The following NRXN3 variants were observed in gnomAD, a reference collection of about 807,000 sequenced individuals.
The protein encoded by NRXN3 is neurexin III.
Under a neutral mutation model 137.6 loss-of-function variants are expected in NRXN3, and 32 were observed. The ratio of observed to expected loss-of-function variants is 0.23; its 90% CI spans 0.18 to 0.31. The LOEUF (loss-of-function observed/expected upper bound fraction) is 0.31, where lower values mean the gene tolerates loss of function less well. Among genes scored for constraint, NRXN3 ranks in the 10% least tolerant of loss-of-function variants. The pLI is 1.00. For synonymous variants in NRXN3, 798 were observed against 784.5 expected (o/e 1.02, Z -0.29); for missense variants, 1,574 against 2,062.5 (o/e 0.76, Z 4.59).
In NRXN3 at chr14:79,648,197, C is replaced by G. The variant is rs572477479; in HGVS notation, c.3445-15581C>G. 1.5e-5 allele frequency among the ~76,000 whole-genome samples: 2 copies of G among 133,620 alleles called. 1 individual carries two copies. The highest frequency in any genetic ancestry group is 1.6e-4 in the Admixed American group (2 of 12,498). The allele number at this position is 133,620 out of a possible 152,430, so 87.7% of individuals were successfully genotyped here. ...TACCCTACTATACAAAACAAACAAA[C>G]AAACAAACAAACAAAAAACAGAAAA... On this transcript the variant is annotated intron_variant, in intron 16 of 20. Transcript: ENST00000335750.
intron 4 of NRXN3, among the ~76,000 whole-genome samples, chr14:78,584,780 G>A (rs1365356286): frequency 1.3e-5 from 2 of 152,168 alleles, no homozygotes; most frequent in East Asian, 3.8e-4. Flanking sequence ...AATCAGAAAG[G>A]CCGTGTTCTA....
intron 10 of NRXN3, among the ~76,000 whole-genome samples, chr14:78,816,195 A>G (rs1364417909): frequency 6.6e-6 from 1 of 152,162 alleles, no homozygotes; most frequent in African/African-American, 2.4e-5. Flanking sequence ...AGATTGGTTT[A>G]TTTTAAAATA....
In NRXN3 at chr14:79,084,013, G is replaced by A. The variant is rs1049299728; in HGVS notation, c.3262+95872G>A. 3.3e-5 allele frequency among the ~76,000 whole-genome samples: 5 copies of A among 152,114 alleles called. No individual in the cohort carries two copies. In the East Asian group the frequency reaches 5.8e-4, roughly 18 times the overall value. On this transcript the variant is annotated intron_variant, in intron 15 of 20. Transcript: ENST00000335750. ...TCGACCCCCACCCCTAAGCTCAAGC[G>A]ATCCTCCCACCTCAGCCTCCTGAGT...
At chr14:79,276,347 T>C (rs966404233) in intron 15 of NRXN3, among the ~76,000 whole-genome samples, 2 of 152,162 alleles carry the variant, frequency 1.3e-5, no homozygotes, top group Non-Finnish European at 2.9e-5. Flanking sequence ...GGGACATTCA[T>C]TTTATTAGGA....
intron 16 of NRXN3, among the ~76,000 whole-genome samples, chr14:79,510,079 A>G (rs1033106928): frequency 4.6e-5 from 7 of 152,198 alleles, no homozygotes; most frequent in Admixed American, 3.3e-4. Flanking sequence ...TGACCAAACC[A>G]AAACACGTGC....
At chr14:78,715,427 C>T (rs889619823) in intron 8 of NRXN3, among the ~76,000 whole-genome samples, 15 of 152,170 alleles carry the variant, frequency 9.9e-5, no homozygotes, top group African/African-American at 3.4e-4. Flanking sequence ...TCTTTTGGGA[C>T]TCCAGGGGGC....
intron 15 of NRXN3, among the ~76,000 whole-genome samples, chr14:79,226,974 C>T (rs2071015699): frequency 6.6e-6 from 1 of 151,724 alleles, no homozygotes; most frequent in Non-Finnish European, 1.5e-5. Flanking sequence ...GCATGCACCA[C>T]CACACCCAGC....
chr14:79,035,735 C>A (rs1335687843), intron 15 of NRXN3, among the ~76,000 whole-genome samples: 1 of 152,018 alleles, frequency 6.6e-6, no homozygotes, highest in Non-Finnish European at 1.5e-5. Context: ...AGGCATTCAC[C>A]CAAATAAATC....
At chr14:79,845,361 G>T (rs974213390) in intron 20 of NRXN3, among the ~76,000 whole-genome samples, 5 of 152,264 alleles carry the variant, frequency 3.3e-5, no homozygotes, top group Non-Finnish European at 7.4e-5. Context: ...CCTAGTTTTT[G>T]GCCTATTTCA....
intron 15 of NRXN3, among the ~76,000 whole-genome samples, chr14:79,041,834 G>T (rs150602704): frequency 6.6e-6 from 1 of 152,236 alleles, no homozygotes; most frequent in South Asian, 2.1e-4. Flanking sequence ...ATGATTCTGG[G>T]ATTAGCCAGA....
intron 10 of NRXN3, among the ~76,000 whole-genome samples, chr14:78,859,724 A>T (rs1228023594): frequency 6.6e-6 from 1 of 152,136 alleles, no homozygotes; most frequent in African/African-American, 2.4e-5. Context: ...TAGCTTAAGT[A>T]CCCAATTATT....
chr14:79,199,501 A>G (rs530622567), intron 15 of NRXN3, among the ~76,000 whole-genome samples: 1 of 152,370 alleles, frequency 6.6e-6, no homozygotes, highest in South Asian at 2.1e-4. Flanking sequence ...GGGAGAAGAT[A>G]TAAAGATTAC....
At chr14:78,904,066 C>T (rs2099206775) in intron 10 of NRXN3, among the ~76,000 whole-genome samples, 1 of 152,026 alleles carries the variant, frequency 6.6e-6, no homozygotes, top group South Asian at 2.1e-4. Context: ...TGTCTATTTG[C>T]AGATGAAACT....
chr14:78,798,233 T>C (rs934047268), intron 8 of NRXN3, among the ~76,000 whole-genome samples: 7 of 152,140 alleles, frequency 4.6e-5, no homozygotes, highest in Non-Finnish European at 7.4e-5. Flanking sequence ...CCTAAATATA[T>C]TCAGGGTACA....
intron 16 of NRXN3, among the ~76,000 whole-genome samples, chr14:79,523,726 GC>G (rs2097092422): frequency 6.6e-6 from 1 of 152,176 alleles, no homozygotes; most frequent in South Asian, 2.1e-4. Context: ...AAGGCTCAAG[GC>G]GGAGTTGAGA....
chr14:79,400,513 T>C lies in NRXN3; in HGVS notation c.3263-66708T>C, dbSNP rs139041170. 2.4e-3 allele frequency among the ~76,000 whole-genome samples: 361 copies of C among 152,314 alleles called. 4 individuals are homozygous for C. The highest frequency in any genetic ancestry group is 8.3e-3 in the African/African-American group (347 of 41,580). On this transcript the variant is annotated intron_variant, in intron 15 of 20. Coordinates refer to ENST00000335750, the MANE Select transcript of NRXN3 (RefSeq NM_001330195.2). The stretch of plus-strand genomic sequence containing the variant: ...AGTTTACTTACTTACATGAGACTTA[T>C]AAGCTAGGCGCTGGGATGCTAAACA...
At chr14:78,675,447 TG>T (rs2097993069) in intron 6 of NRXN3, among the ~76,000 whole-genome samples, 1 of 152,204 alleles carries the variant, frequency 6.6e-6, no homozygotes, top group African/African-American at 2.4e-5. Context: ...GGAGAGTAAC[TG>T]GTCCAGTGCA....
intron 10 of NRXN3, among the ~76,000 whole-genome samples, chr14:78,892,004 C>T (rs933439985): frequency 2.6e-5 from 4 of 151,898 alleles, no homozygotes; most frequent in Non-Finnish European, 5.9e-5. Context: ...GAGACATGCT[C>T]AGTCTTGTTC....
intron 16 of NRXN3, among the ~76,000 whole-genome samples, chr14:79,532,007 G>A (rs949455471): frequency 6.6e-6 from 1 of 152,158 alleles, no homozygotes; most frequent in Admixed American, 6.5e-5. Flanking sequence ...GAAATTCTGA[G>A]CAATGTTCCG....
Sources: allele counts gnomAD v4.1 joint callset (sites outside exome capture counted in the v4.1 genomes callset), GRCh38; gene constraint gnomAD v4.1.1; transcripts MANE v1.5; gene names NCBI Gene and HGNC (gene_info 2026-07-23, HGNC 2026-07-21).